TYW1B: variants seen among roughly 807,000 people sequenced by gnomAD.
The protein encoded by TYW1B is tRNA-yW synthesizing protein 1 homolog B.
TYW1B carries 73 observed loss-of-function variants against 86.9 expected under a neutral mutation model. The ratio of observed to expected loss-of-function variants is 0.84; its 90% confidence interval spans 0.70 to 1.02. The LOEUF (loss-of-function observed/expected upper bound fraction) is 1.02. Ranked by LOEUF, TYW1B falls within the 50% of genes least tolerant of loss-of-function variation. The pLI is 0.00. For synonymous variants in TYW1B, 248 were observed against 292.8 expected, an observed-to-expected ratio of 0.85 and a Z score of 1.56; for missense variants, 637 against 827.4, an observed-to-expected ratio of 0.77 and a Z score of 2.82.
intron 11 of TYW1B, among the ~76,000 whole-genome samples, chr7:72,670,817 T>C (rs1309862147): frequency 2.0e-5 from 3 of 152,214 alleles, no homozygotes; most frequent in Non-Finnish European, 4.4e-5. Context: ...TCAAACAACA[T>C]ATTCAAGTTG....
chr7:72,584,979 G>A (rs1372279733), intron 13 of TYW1B, among the ~76,000 whole-genome samples: 4 of 152,094 alleles, frequency 2.6e-5, no homozygotes, highest in Non-Finnish European at 4.4e-5. Flanking sequence ...TCCCTTCTCA[G>A]AAAATAATAA....
intron 8 of TYW1B, among the ~76,000 whole-genome samples, chr7:72,731,393 C>CAAAAAAAAAA (rs59262388): frequency 3.6e-4 from 12 of 33,032 alleles, no homozygotes; most frequent in Non-Finnish European, 4.2e-4. Flanking sequence ...TACCAAACTG[C>CAAAAAAAAAA]AAAAAAAAAA....
At chr7:72,632,413 A>ATATATATATAAAATATATATATACG (rs1563038823) in intron 11 of TYW1B, among the ~76,000 whole-genome samples, 39 of 84,200 alleles carry the variant, frequency 4.6e-4, no homozygotes, top group South Asian at 1.2e-3. Flanking sequence ...ATATATATAC[A>ATATATATATAAAATATATATATACG]TATATATATA....
intron 12 of TYW1B, among the ~76,000 whole-genome samples, chr7:72,622,982 G>T (rs1812260995): frequency 6.6e-6 from 1 of 152,146 alleles, no homozygotes; most frequent in Non-Finnish European, 1.5e-5. Flanking sequence ...AAGTTAAGAT[G>T]ATTTTTCCTT....
At chr7:72,799,783 A>G (rs1302831549) in intron 6 of TYW1B, among the ~76,000 whole-genome samples, 2 of 152,160 alleles carry the variant, frequency 1.3e-5, no homozygotes. Flanking sequence ...TTTTTTTAAA[A>G]GAGTTCATTG....
intron 11 of TYW1B, among the ~76,000 whole-genome samples, chr7:72,646,711 C>T (rs568788953): frequency 2.4e-4 from 37 of 152,240 alleles, no homozygotes; most frequent in African/African-American, 5.1e-4. Flanking sequence ...GAAGTATTCA[C>T]GGATAAAATG....
intron 6 of TYW1B, among the ~76,000 whole-genome samples, chr7:72,794,041 A>G (rs1788265148): frequency 6.6e-6 from 1 of 152,158 alleles, no homozygotes; most frequent in African/African-American, 2.4e-5. Context: ...TTCAGAAGCA[A>G]ACGGATCAGC....
At chr7:72,593,336 C>T (rs1283158483) in intron 13 of TYW1B, among the ~76,000 whole-genome samples, 1 of 151,378 alleles carries the variant, frequency 6.6e-6, no homozygotes, top group Non-Finnish European at 1.5e-5. Flanking sequence ...ACTTGAAGGG[C>T]ACAATAAGCC....
chr7:72,587,641 G>A (rs1400594527), intron 13 of TYW1B, among the ~76,000 whole-genome samples: 1 of 152,096 alleles, frequency 6.6e-6, no homozygotes, highest in African/African-American at 2.4e-5. Context: ...CTCATCCTAG[G>A]GGCAGTTTAG....
At chr7:72,632,385 TACG>T (rs1221265563) in intron 11 of TYW1B, among the ~76,000 whole-genome samples, 4 of 114,824 alleles carry the variant, frequency 3.5e-5, no homozygotes, top group Non-Finnish European at 4.9e-5. Context: ...ATTATATATA[TACG>T]TATATATATA....
intron 11 of TYW1B, among the ~76,000 whole-genome samples, chr7:72,678,072 T>C (rs1177625398): frequency 6.6e-6 from 1 of 152,204 alleles, no homozygotes; most frequent in African/African-American, 2.4e-5. Context: ...TCTGGGAACC[T>C]GAATACTAGG....
chr7:72,726,650 C>A (rs1221568990), intron 9 of TYW1B, among the ~76,000 whole-genome samples: 15 of 152,164 alleles, frequency 9.9e-5, no homozygotes, highest in African/African-American at 2.7e-4. Flanking sequence ...AAGCGTGAGG[C>A]ACCGTGCCGA....
chr7:72,692,891 G>A lies in TYW1B; in HGVS notation c.1506+1796C>T, dbSNP rs1437393360. ...GTAAGCAGGGAAGCATGGCCCTCCT[G>A]GGGAATAAGGTGAAAAATGAGCCAG... On this transcript the variant is annotated intron_variant, in intron 11 of 13. Coordinates refer to ENST00000620995, the MANE Select transcript of TYW1B (RefSeq NM_001145440.3). Among the ~76,000 whole-genome samples, 6 of 152,138 alleles carry A rather than the reference G, an allele frequency of 3.9e-5. No homozygotes were observed. The East Asian group carries it at 5.8e-4, about 15-fold the overall frequency.
intron 2 of TYW1B, among the ~76,000 whole-genome samples, chr7:72,816,025 T>A (rs537521698): frequency 2.0e-5 from 3 of 150,974 alleles, no homozygotes; most frequent in Non-Finnish European, 4.4e-5. Context: ...TGAGATCCTG[T>A]CTCATAAAGA....
At position 72,786,765 on chromosome 7, in the gene TYW1B, G is replaced by C. The variant is rs1260194417; in HGVS notation, c.847-9232C>G. 2.6e-5 allele frequency among the ~76,000 whole-genome samples: 4 copies of C among 152,000 alleles called. No homozygotes were observed. In the East Asian group the frequency reaches 7.7e-4, roughly 29 times the overall value. ...AATTTTTGTATTTTTTGTAGAGACA[G>C]GGTTTCGTCATATTGCCCAGGCTGG... On this transcript the variant is annotated intron_variant, in intron 6 of 13. Coordinates refer to ENST00000620995, the MANE Select transcript of TYW1B (RefSeq NM_001145440.3).
chr7:72,692,928 C>A (rs370960564), intron 11 of TYW1B, among the ~76,000 whole-genome samples: 1 of 152,050 alleles, frequency 6.6e-6, no homozygotes, highest in Non-Finnish European at 1.5e-5. Flanking sequence ...AAATGTACAT[C>A]GAGGCCAGAC....
chr7:72,632,458 T>C (rs536775251), intron 11 of TYW1B, among the ~76,000 whole-genome samples: 1,309 of 98,506 alleles, frequency 0.013, 54 homozygotes, highest in African/African-American at 0.058. Context: ...AAAATATATA[T>C]ATACATATAT....
intron 2 of TYW1B, among the ~76,000 whole-genome samples, chr7:72,822,118 A>G (rs1788838386): frequency 6.8e-6 from 1 of 147,802 alleles, no homozygotes; most frequent in Non-Finnish European, 1.5e-5. Context: ...TGGGAGGCCA[A>G]TGCCACTGCA....
chr7:72,579,553 C>A (rs1461321652), intron 13 of TYW1B, among the ~76,000 whole-genome samples: 38 of 152,210 alleles, frequency 2.5e-4, no homozygotes, highest in Admixed American at 2.1e-3. Flanking sequence ...TCCTGTCTTG[C>A]AGGTGGCTGC....
Sources: gnomAD v4.1 joint callset for allele counts (sites outside exome capture counted in the v4.1 genomes callset) on GRCh38, gnomAD v4.1.1 for gene constraint, MANE v1.5 for transcripts, NCBI Gene and HGNC (gene_info 2026-07-23, HGNC 2026-07-21) for gene names.